Variants in ITSN1 observed in about 807,000 individuals in gnomAD.
The protein encoded by ITSN1 is intersectin 1, also known as intersectin-1.
A neutral mutation model predicts 239.8 loss-of-function variants in ITSN1; 58 were observed. That is an observed-to-expected ratio of 0.24 (90% CI 0.20 to 0.30). The LOEUF (loss-of-function observed/expected upper bound fraction) is 0.30, where lower values mean the gene tolerates loss of function less well. Ranked by LOEUF, ITSN1 falls within the 10% of genes least tolerant of loss-of-function variation. The pLI is 1.00. For missense variants in ITSN1, 1,558 were observed against 2,103.3 expected (o/e 0.74, Z 5.07); for synonymous variants, 780 against 770.8 (o/e 1.01, Z -0.20).
At chr21:33,845,042 GGTA>G (rs2074948121) in intron 29 of ITSN1, among the ~76,000 whole-genome samples, 1 of 152,054 alleles carries the variant, frequency 6.6e-6, no homozygotes, top group Non-Finnish European at 1.5e-5. Flanking sequence ...TCATGGCTGA[GGTA>G]CATGGAACCG....
At chr21:33,810,275 A>T (rs1157624117) in intron 20 of ITSN1, among the ~76,000 whole-genome samples, 1 of 152,234 alleles carries the variant, frequency 6.6e-6, no homozygotes, top group African/African-American at 2.4e-5. Context: ...GGCCTCTGTG[A>T]AATTTTTAAA....
chr21:33,663,368 A>G (rs1434056561), intron 1 of ITSN1, among the ~76,000 whole-genome samples: 2 of 139,012 alleles, frequency 1.4e-5, no homozygotes, highest in African/African-American at 5.4e-5. Flanking sequence ...ACTGTAAATT[A>G]TAAGCTTTAG....
At chr21:33,662,788 A>G (rs1450420012) in intron 1 of ITSN1, among the ~76,000 whole-genome samples, 4 of 152,182 alleles carry the variant, frequency 2.6e-5, no homozygotes, top group African/African-American at 7.2e-5. Context: ...CGTACACAGG[A>G]TGAGTACTGA....
chr21:33,669,397 A>G (rs1409933331), intron 1 of ITSN1, among the ~76,000 whole-genome samples: 2 of 150,258 alleles, frequency 1.3e-5, no homozygotes, highest in African/African-American at 2.5e-5. Flanking sequence ...CTGGTATTAT[A>G]TCTGCATGAA....
At chr21:33,712,451 T>G (rs2092442626) in intron 1 of ITSN1, among the ~76,000 whole-genome samples, 1 of 152,192 alleles carries the variant, frequency 6.6e-6, no homozygotes. Context: ...GTGCTGTGCT[T>G]CTTTGAGCCT....
At chr21:33,769,886 A>G (rs906943158) in intron 11 of ITSN1, among the ~76,000 whole-genome samples, 4 of 150,404 alleles carry the variant, frequency 2.7e-5, no homozygotes, top group African/African-American at 9.8e-5. Context: ...GTAGAGACGG[A>G]GGTTTCACCA....
Position 33,774,744 on chromosome 21 carries a change from C to T in ITSN1, c.1321C>T (p.Leu441Phe), listed in dbSNP as rs1446067594. Residue 441 changes from leucine to phenylalanine, a missense_variant, in exon 13 of 40, where the codon CTT (leucine) becomes TTT (phenylalanine). Physicochemically the swap from Leu to Phe is conservative, Grantham distance 22 (BLOSUM62 0). This residue lies in a region of ITSN1 where 982 missense variants were observed against 1,209.9 expected (regional missense o/e 0.81). Transcript: ENST00000381318. The stretch of plus-strand genomic sequence containing the variant: ...AATGTCACAGGCTGCAAAACGGGAA[C>T]TTGAAAGGCAACGACAACTTGAGTG... Reference protein sequence around the residue: ...IERREAAKRELERQRQLEWER... With the variant: ...IERREAAKREFERQRQLEWER... The T allele has an allele frequency of 1.9e-6, 3 of 1,612,618 alleles. No individual in the cohort carries two copies. Among genetic ancestry groups the T allele is most frequent in the Non-Finnish European group, 1.7e-6 (2 of 1,179,610 alleles).
intron 4 of ITSN1, 113 bp from the exon 5 acceptor site, chr21:33,734,931 G>C: frequency 1.3e-6 from 1 of 785,168 alleles, no homozygotes; most frequent in Non-Finnish European, 1.9e-6. Context: ...TTCTGTTGTT[G>C]TCTCTAGGGG....
At chr21:33,678,698 T>TTTG (rs765926561) in intron 1 of ITSN1, among the ~76,000 whole-genome samples, 8 of 152,130 alleles carry the variant, frequency 5.3e-5, no homozygotes, top group South Asian at 2.1e-4. Flanking sequence ...AAGCAAAGTT[T>TTTG]TTGTTGTTGT....
chr21:33,824,758 GT>G (rs1054109165), intron 25 of ITSN1, among the ~76,000 whole-genome samples: 8 of 152,140 alleles, frequency 5.3e-5, no homozygotes, highest in Non-Finnish European at 4.4e-5. Flanking sequence ...CTTGGGTTTT[GT>G]TTTTTTAAGG....
chr21:33,895,664 T>C lies in ITSN1; in HGVS notation c.*7364T>C, dbSNP rs1196503770. Reference sequence around the variant, plus strand: ...GTGCGTGTGTATGTGCGTGTATGCATGTGCATGTTTGTGTGTGCGTGCATA... The same window carrying C: ...GTGCGTGTGTATGTGCGTGTATGCACGTGCATGTTTGTGTGTGCGTGCATA... On this transcript the variant is annotated 3_prime_UTR_variant, in exon 40 of 40. Coordinates refer to ENST00000381318, the MANE Select transcript of ITSN1 (RefSeq NM_003024.3). The C allele has an allele frequency of 1.3e-5, 2 of 151,094 alleles. No individual in the cohort carries two copies. Among genetic ancestry groups the C allele is most frequent in the Non-Finnish European group, 2.9e-5 (2 of 67,802 alleles). The allele number at this position is 151,094 out of a possible 1,614,324, so 9.4% of individuals were successfully genotyped here.
At chr21:33,850,463 G>A (rs957559169) in intron 29 of ITSN1, among the ~76,000 whole-genome samples, 5 of 152,142 alleles carry the variant, frequency 3.3e-5, no homozygotes, top group Non-Finnish European at 5.9e-5. Flanking sequence ...TTGCAACTCC[G>A]AGGTCTCAAG....
chr21:33,749,911 C>A (rs763764006), intron 5 of ITSN1, among the ~76,000 whole-genome samples: 148 of 152,014 alleles, frequency 9.7e-4, no homozygotes, highest in Non-Finnish European at 2.0e-3. Flanking sequence ...AGTTATTATT[C>A]TTTTTGATTC....
intron 1 of ITSN1, among the ~76,000 whole-genome samples, chr21:33,663,236 A>G (rs1241588010): frequency 2.0e-5 from 3 of 152,244 alleles, no homozygotes; most frequent in Non-Finnish European, 4.4e-5. Context: ...CAGAAATGAA[A>G]TATGTAAACT....
chr21:33,883,693 G>A (rs552252403), intron 36 of ITSN1, 22 bp downstream of exon 36: 1 of 1,610,244 alleles, frequency 6.2e-7, no homozygotes, highest in South Asian at 1.1e-5. Context: ...CGCCTCCCCA[G>A]CATGGGCCCC....
chr21:33,782,031 A>T lies in ITSN1; in HGVS notation c.1722A>T (p.Ala574=), dbSNP rs752558585. 2.5e-6 allele frequency: 4 copies of T among 1,613,502 alleles called. No homozygotes were observed. In the South Asian group the frequency reaches 4.4e-5, roughly 18 times the overall value. Residue 574 remains alanine (A), a synonymous_variant, in exon 16 of 40, where the codon GCA becomes GCT. Transcript: ENST00000381318. The part of the protein sequence containing the change: ...SLVTLKRALE[A]KELARQHLRD... The stretch of plus-strand genomic sequence containing the variant: ...TTACACTTAAAAGAGCCTTAGAAGC[A>T]AAAGAACTAGCTCGGCAGCACCTAC...
At chr21:33,785,772 A>G (rs2070615394) in intron 16 of ITSN1, among the ~76,000 whole-genome samples, 1 of 152,182 alleles carries the variant, frequency 6.6e-6, no homozygotes, top group African/African-American at 2.4e-5. Context: ...TACCTAATCC[A>G]TGGAAATTGA....
At chr21:33,763,229 C>CA (rs71322243) in intron 9 of ITSN1, among the ~76,000 whole-genome samples, 19,731 of 69,508 alleles carry the variant, frequency 0.28, 2,010 homozygotes, top group East Asian at 0.43. Flanking sequence ...GCCCCCCAAC[C>CA]AAAAAAAAAA....
Position 33,733,523 on chromosome 21 carries a change from C to A in ITSN1, c.186-1521C>A, listed in dbSNP as rs933537967. ...TTAGAATTTTTATGCCGTACATATA[C>A]ATAAATCAACAAATAATGAATTTTT... On this transcript the variant is annotated intron_variant, in intron 4 of 39. Transcript: ENST00000381318. 3.3e-5 allele frequency among the ~76,000 whole-genome samples: 5 copies of A among 152,088 alleles called. 1 individual carries two copies. The South Asian group carries it at 1.0e-3, about 32-fold the overall frequency.
Sources: gnomAD v4.1 joint callset for allele counts (sites outside exome capture counted in the v4.1 genomes callset) on GRCh38, gnomAD v4.1.1 for gene constraint, gnomAD v4.1.1 regional missense constraint, MANE v1.5 for transcripts, NCBI Gene and HGNC (gene_info 2026-07-23, HGNC 2026-07-21) for gene names.